POU6F2: variants seen among roughly 807,000 people sequenced by gnomAD.
POU6F2 encodes the protein POU class 6 homeobox 2, also known as POU domain, class 6, transcription factor 2.
Under a neutral mutation model 71.3 loss-of-function variants are expected in POU6F2, and 31 were observed. The ratio of observed to expected loss-of-function variants is 0.43; its 90% confidence interval spans 0.33 to 0.59. POU6F2 has a LOEUF of 0.59. Ranked by LOEUF, POU6F2 falls within the 20% of genes least tolerant of loss-of-function variation. The probability of loss-of-function intolerance (pLI) is 0.04; values close to 1 mark genes in which losing one functional copy is unlikely to be tolerated. For missense variants in POU6F2, 783 were observed against 856.8 expected, an observed-to-expected ratio of 0.91 and a Z score of 1.07; for synonymous variants, 347 against 355.7, an observed-to-expected ratio of 0.98 and a Z score of 0.27.
intron 5 of POU6F2, among the ~76,000 whole-genome samples, chr7:39,388,819 C>G (rs1004374511): frequency 4.6e-5 from 7 of 152,180 alleles, no homozygotes; most frequent in Non-Finnish European, 7.3e-5. Flanking sequence ...ACCATTTCTA[C>G]TTGAGATAAC....
At chr7:39,046,168 T>C (rs1007603382) in intron 1 of POU6F2, among the ~76,000 whole-genome samples, 34 of 152,080 alleles carry the variant, frequency 2.2e-4, no homozygotes, top group African/African-American at 7.7e-4. Context: ...TTTATTGTGG[T>C]ATCTCATTGT....
intron 6 of POU6F2, among the ~76,000 whole-genome samples, chr7:39,417,344 A>G (rs755037436): frequency 1.3e-5 from 2 of 152,218 alleles, no homozygotes; most frequent in African/African-American, 2.4e-5. Context: ...TGAGAAATAA[A>G]TCAGAGTTAG....
At chr7:39,252,139 C>T (rs1783933588) in intron 4 of POU6F2, among the ~76,000 whole-genome samples, 1 of 151,998 alleles carries the variant, frequency 6.6e-6, no homozygotes, top group Non-Finnish European at 1.5e-5. Context: ...AAGATCAGCA[C>T]ATCATGAGAA....
intron 4 of POU6F2, among the ~76,000 whole-genome samples, chr7:39,208,231 G>T (rs1794063727): frequency 6.6e-6 from 1 of 152,162 alleles, no homozygotes; most frequent in Non-Finnish European, 1.5e-5. Flanking sequence ...AAGGGTAGTT[G>T]TCTTGATATT....
intron 2 of POU6F2, among the ~76,000 whole-genome samples, chr7:39,138,317 G>T (rs972983007): frequency 3.3e-5 from 5 of 152,028 alleles, no homozygotes; most frequent in African/African-American, 1.2e-4. Context: ...ATTTAAATAG[G>T]GGTCCCCAAC....
chr7:38,997,596 G>A (rs552321373), intron 1 of POU6F2, among the ~76,000 whole-genome samples: 43 of 152,224 alleles, frequency 2.8e-4, no homozygotes, highest in African/African-American at 7.5e-4. Context: ...ACCTCTAGGG[G>A]ATTACCCCCT....
At chr7:39,252,721 CT>C (rs1783948310) in intron 4 of POU6F2, among the ~76,000 whole-genome samples, 1 of 152,132 alleles carries the variant, frequency 6.6e-6, no homozygotes, top group African/African-American at 2.4e-5. Flanking sequence ...CCTTGGAATG[CT>C]TTTCCCTCAG....
chr7:39,443,988 A>T (rs1438325509), intron 7 of POU6F2, among the ~76,000 whole-genome samples: 1 of 152,240 alleles, frequency 6.6e-6, no homozygotes, highest in Non-Finnish European at 1.5e-5. Context: ...GAAGTAAAGT[A>T]TAGGACTGTC....
At chr7:39,242,305 A>C (rs1224334660) in intron 4 of POU6F2, among the ~76,000 whole-genome samples, 1 of 151,994 alleles carries the variant, frequency 6.6e-6, no homozygotes, top group African/African-American at 2.4e-5. Flanking sequence ...GCTGCTTTGC[A>C]ATCCCACCGG....
chr7:39,224,828 G>T (rs10272458), intron 4 of POU6F2, among the ~76,000 whole-genome samples: 2 of 152,042 alleles, frequency 1.3e-5, no homozygotes, highest in Non-Finnish European at 2.9e-5. Context: ...AGCTTTTCCA[G>T]AATTCTGGAG....
At position 39,007,993 on chromosome 7, in the gene POU6F2, G is replaced by T. The variant is rs549272354; in HGVS notation, c.105+29935G>T. On this transcript the variant is annotated intron_variant, in intron 1 of 9. Coordinates refer to ENST00000518318, the MANE Select transcript of POU6F2 (RefSeq NM_001370959.1). ...ATAGTGCCGCAATAAACATACGTGTGCATGTGTCTTTATAGCAGCATGATT... is the reference window on the plus strand; with the variant it reads ...ATAGTGCCGCAATAAACATACGTGTTCATGTGTCTTTATAGCAGCATGATT... 1.1e-3 allele frequency among the ~76,000 whole-genome samples: 162 copies of T among 147,314 alleles called. 1 individual carries two copies. The highest frequency in any genetic ancestry group is 3.8e-3 in the African/African-American group (154 of 40,102).
At chr7:39,398,769 G>A (rs1209342873) in intron 5 of POU6F2, among the ~76,000 whole-genome samples, 2 of 152,202 alleles carry the variant, frequency 1.3e-5, no homozygotes, top group Non-Finnish European at 2.9e-5. Context: ...AATATGACCA[G>A]AAGTTCCTAG....
chr7:39,436,007 A>G (rs10263916), intron 7 of POU6F2, among the ~76,000 whole-genome samples: 51,045 of 151,814 alleles, frequency 0.34, 9,555 homozygotes, highest in East Asian at 0.58. Flanking sequence ...CCAGTACCAC[A>G]CTATTTTAGT....
chr7:39,382,782 T>A (rs964350197), intron 5 of POU6F2, among the ~76,000 whole-genome samples: 1 of 152,144 alleles, frequency 6.6e-6, no homozygotes, highest in South Asian at 2.1e-4. Context: ...TTGAATGTAC[T>A]GTTTATCTGA....
intron 1 of POU6F2, among the ~76,000 whole-genome samples, chr7:39,050,883 G>A (rs1416956453): frequency 6.6e-6 from 1 of 152,156 alleles, no homozygotes; most frequent in Non-Finnish European, 1.5e-5. Context: ...TCAGTTTGCT[G>A]TAAGTGTTTG....
chr7:39,381,386 C>T (rs938828165), intron 5 of POU6F2, among the ~76,000 whole-genome samples: 7 of 152,082 alleles, frequency 4.6e-5, no homozygotes, highest in Non-Finnish European at 1.0e-4. Context: ...TACAGGCACG[C>T]GCCACCACAC....
chr7:39,278,957 A>G (rs1184119089), intron 4 of POU6F2, among the ~76,000 whole-genome samples: 1 of 152,138 alleles, frequency 6.6e-6, no homozygotes, highest in Non-Finnish European at 1.5e-5. Context: ...AAAACAGCAC[A>G]CAAACACACC....
intron 4 of POU6F2, among the ~76,000 whole-genome samples, chr7:39,275,053 C>A (rs1316346662): frequency 2.0e-5 from 3 of 151,324 alleles, no homozygotes; most frequent in African/African-American, 7.3e-5. Flanking sequence ...CTGGCCAGGG[C>A]AATTAGGCAG....
chr7:39,271,742 CTGCCAGGAG>C (rs1784344287), intron 4 of POU6F2, among the ~76,000 whole-genome samples: 1 of 152,180 alleles, frequency 6.6e-6, no homozygotes, highest in Non-Finnish European at 1.5e-5. Context: ...AACATTATCT[CTGCCAGGAG>C]GGATAATTTG....
Sources: allele counts gnomAD v4.1 joint callset (sites outside exome capture counted in the v4.1 genomes callset), GRCh38; gene constraint gnomAD v4.1.1; transcripts MANE v1.5; gene names NCBI Gene and HGNC (gene_info 2026-07-23, HGNC 2026-07-21).